ATP2C2: variants seen among roughly 807,000 people sequenced by gnomAD.
ATP2C2 encodes the protein ATPase secretory pathway Ca2+ transporting 2.
ATP2C2 carries 171 observed loss-of-function variants against 110.8 expected under a neutral mutation model. The observed-to-expected ratio is 1.54, with a 90% CI of 1.36 to 1.75. ATP2C2 has a LOEUF of 1.75. ATP2C2 is among the 40% of genes most tolerant of loss of function. The pLI, the probability that ATP2C2 is intolerant of heterozygous loss-of-function variation, is 0.00. For missense variants in ATP2C2, 1,963 were observed against 1,235.0 expected (o/e 1.59, Z -8.84); for synonymous variants, 804 against 508.4 (o/e 1.58, Z -7.82).
intron 10 of ATP2C2, among the ~76,000 whole-genome samples, chr16:84,424,599 TAACA>T (rs1567714593): frequency 1.8e-3 from 233 of 130,920 alleles, no homozygotes; most frequent in African/African-American, 4.8e-3. Context: ...TTTTTTTTTT[TAACA>T]TTTTGGGAAC....
rs996568209 is a variant in ATP2C2 at position 84,410,701 on chromosome 16, C to T, written c.454-3C>T. On this transcript the variant is annotated splice_region_variant and splice_polypyrimidine_tract_variant and intron_variant, in intron 5 of 26. Coordinates refer to ENST00000262429, the MANE Select transcript of ATP2C2 (RefSeq NM_014861.4). The stretch of plus-strand genomic sequence containing the variant: ...ACAGCACATCTGATGTGCTTCCTGC[C>T]AGGAGTACAGGTCGGAGAAATCTCT... 9.3e-6 allele frequency: 15 copies of T among 1,613,994 alleles called. No individual in the cohort carries two copies. Among genetic ancestry groups the T allele is most frequent in the African/African-American group, 1.3e-5 (1 of 74,920 alleles).
In ATP2C2 at chr16:84,461,812, G is replaced by C. The variant is rs776403833; in HGVS notation, c.2580G>C (p.Gln860His). The change falls in exon 25 of 27, where the codon CAG (glutamine) becomes CAC (histidine). Residue 860 changes from glutamine to histidine, a missense_variant and splice_region_variant. Transcript: ENST00000262429. Reference protein sequence around the residue: ...DLFNALTCRSQTKLIFEIGFL... With the variant: ...DLFNALTCRSHTKLIFEIGFL... ...TCAACGCCTTGACCTGCCGCTCTCA[G>C]GTGAGACCCGGGCTGACCCTCCTCG... is the stretch of plus-strand genomic sequence containing the variant. 9.9e-6 allele frequency: 16 copies of C among 1,613,738 alleles called. No homozygotes were observed. In the South Asian group the frequency reaches 1.6e-4, roughly 17 times the overall value.
At chr16:84,438,173 A>G (rs1264903357) in intron 11 of ATP2C2, among the ~76,000 whole-genome samples, 2 of 152,210 alleles carry the variant, frequency 1.3e-5, no homozygotes, top group African/African-American at 4.8e-5. Context: ...TTGTTTTTAC[A>G]TTTTTTAAAG....
chr16:84,441,008 C>A (rs2303852), intron 14 of ATP2C2, 50 bp downstream of exon 14: 242,989 of 1,428,168 alleles, frequency 0.17, 22,485 homozygotes, highest in Non-Finnish European at 0.19. Context: ...ATTGAGGCTT[C>A]TGGGGCTCCT....
rs763752180 is a variant in ATP2C2 at position 84,398,629 on chromosome 16, C to G, written c.210+20C>G. On this transcript the variant is annotated intron_variant, in intron 2 of 26. Coordinates refer to ENST00000262429, the MANE Select transcript of ATP2C2 (RefSeq NM_014861.4). Reference sequence around the variant, plus strand: ...TTTTGTGTAAGAATTGAATTTGCATCTGGAGCTAATTGTGATAAGGTTTTA... The same window carrying G: ...TTTTGTGTAAGAATTGAATTTGCATGTGGAGCTAATTGTGATAAGGTTTTA... 44 of 1,570,004 alleles carry G rather than the reference C, an allele frequency of 2.8e-5. No homozygotes were observed. The highest frequency in any genetic ancestry group is 3.7e-5 in the Non-Finnish European group (43 of 1,147,276).
intron 6 of ATP2C2, among the ~76,000 whole-genome samples, chr16:84,414,399 A>G (rs11149652): frequency 0.69 from 104,883 of 152,038 alleles, 37,434 homozygotes; most frequent in Non-Finnish European, 0.8. Context: ...TCTCCTCATG[A>G]TCCCAGATGG....
intron 1 of ATP2C2, among the ~76,000 whole-genome samples, chr16:84,370,910 A>T (rs1253108939): frequency 6.6e-6 from 1 of 150,974 alleles, no homozygotes; most frequent in East Asian, 1.9e-4. Context: ...GGTAAATTTT[A>T]CTCTCGTCAT....
At chr16:84,442,702 AGGTAATCAT>A (rs1909383732) in intron 15 of ATP2C2, 103 bp downstream of exon 15, 2 of 1,142,362 alleles carry the variant, frequency 1.8e-6, no homozygotes, top group African/African-American at 3.1e-5. Flanking sequence ...TGGGGACGTT[AGGTAATCAT>A]GGAAGAAAAT....
chr16:84,460,454 G>T, intron 23 of ATP2C2, 200 bp from the exon 24 acceptor site: 1 of 707,500 alleles, frequency 1.4e-6, no homozygotes, highest in Non-Finnish European at 2.5e-6. Flanking sequence ...AGATGGAGGG[G>T]CACAGCTGCC....
At chr16:84,446,640 G>C (rs577641763) in intron 16 of ATP2C2, among the ~76,000 whole-genome samples, 54 of 152,272 alleles carry the variant, frequency 3.5e-4, no homozygotes, top group Non-Finnish European at 3.1e-4. Context: ...TCTTAAAGCA[G>C]GGTCCCTGGA....
intron 1 of ATP2C2, among the ~76,000 whole-genome samples, chr16:84,374,407 G>T (rs905984381): frequency 6.6e-6 from 1 of 152,192 alleles, no homozygotes; most frequent in Non-Finnish European, 1.5e-5. Flanking sequence ...GTCCTGAGTT[G>T]TAAGTTGCCC....
At chr16:84,438,913 C>A in intron 11 of ATP2C2, 1 of 400,876 alleles carries the variant, frequency 2.5e-6, no homozygotes, top group East Asian at 4.2e-5. Flanking sequence ...AGCTGACAGA[C>A]TAATTCACAT....
chr16:84,394,033 G>A (rs1341842109), intron 1 of ATP2C2, among the ~76,000 whole-genome samples: 1 of 150,176 alleles, frequency 6.7e-6, no homozygotes, highest in Non-Finnish European at 1.5e-5. Flanking sequence ...AAATAAAAAG[G>A]CCTGGTGTGA....
chr16:84,410,545 ACCCTCCT>A lies in ATP2C2; in HGVS notation c.418-20_418-14del. 5.0e-6 allele frequency: 8 copies of A among 1,612,936 alleles called. No homozygotes were observed. The highest frequency in any genetic ancestry group is 2.5e-6 in the Non-Finnish European group (3 of 1,179,590). ...CTCCCACTGAGCCTCTGGTACTGAC[ACCCTCCT>A]CCGTTTGCTGTCTAGGCAGTGCTTG... On this transcript the variant is annotated splice_polypyrimidine_tract_variant and intron_variant, in intron 4 of 26. Coordinates refer to ENST00000262429, the MANE Select transcript of ATP2C2 (RefSeq NM_014861.4).
At chr16:84,379,635 G>C (rs1422127043) in intron 1 of ATP2C2, among the ~76,000 whole-genome samples, 2 of 152,174 alleles carry the variant, frequency 1.3e-5, no homozygotes, top group African/African-American at 2.4e-5. Flanking sequence ...GCCTCGCCGG[G>C]GGGTTCTGAG....
chr16:84,374,076 GAAAGAATAT>G (rs1910117839), intron 1 of ATP2C2, among the ~76,000 whole-genome samples: 1 of 152,160 alleles, frequency 6.6e-6, no homozygotes, highest in African/African-American at 2.4e-5. Flanking sequence ...GGGCGTTGTT[GAAAGAATAT>G]TTCTTCATTT....
chr16:84,376,788 G>T lies in ATP2C2; in HGVS notation c.99+8074G>T, dbSNP rs375672128. On this transcript the variant is annotated intron_variant, in intron 1 of 26. Transcript: ENST00000262429. ...ATACACATTCAGATCCAATGATTACGCATTCCAAGATGGCAGCTGTGGAGC... is the reference window on the plus strand; with the variant it reads ...ATACACATTCAGATCCAATGATTACTCATTCCAAGATGGCAGCTGTGGAGC... Among the ~76,000 whole-genome samples, 4 of 152,182 alleles carry T rather than the reference G, an allele frequency of 2.6e-5. No individual in the cohort carries two copies. In the East Asian group the frequency reaches 7.7e-4, roughly 29 times the overall value.
chr16:84,435,783 T>C (rs1390043847), intron 11 of ATP2C2, among the ~76,000 whole-genome samples: 2 of 151,730 alleles, frequency 1.3e-5, no homozygotes, highest in African/African-American at 2.4e-5. Context: ...GCCTTGATGG[T>C]GACACTGCAC....
intron 6 of ATP2C2, among the ~76,000 whole-genome samples, chr16:84,412,951 T>C (rs1245196459): frequency 1.3e-5 from 2 of 151,366 alleles, no homozygotes; most frequent in African/African-American, 4.9e-5. Flanking sequence ...AAAAAAAAAT[T>C]AGCTGGGCAT....
Sources: gnomAD v4.1 joint callset for allele counts (sites outside exome capture counted in the v4.1 genomes callset) on GRCh38, gnomAD v4.1.1 for gene constraint, MANE v1.5 for transcripts, NCBI Gene and HGNC (gene_info 2026-07-23, HGNC 2026-07-21) for gene names.